IFT80: variants seen among roughly 807,000 people sequenced by gnomAD.
IFT80 encodes intraflagellar transport protein 80 homolog.
In IFT80, 79 loss-of-function variants were observed where a neutral mutation model predicts 107.9. The observed-to-expected ratio is 0.73, with a 90% confidence interval of 0.61 to 0.88. The LOEUF is 0.88. Among genes scored for constraint, IFT80 ranks in the 40% least tolerant of loss-of-function variants. The pLI is 0.00. For missense variants in IFT80, 797 were observed against 914.2 expected, an observed-to-expected ratio of 0.87 and a Z score of 1.65; for synonymous variants, 299 against 300.9, an observed-to-expected ratio of 0.99 and a Z score of 0.07.
rs555165966 is a variant in IFT80, at chr3:160,286,258, A to G, written c.1316-390T>C. ...GGTTAACTGAAAATCAACTCACAAA[A>G]GGCAGATTAATAGGAGAAATGGCAT... On this transcript the variant is annotated intron_variant, in intron 12 of 19. Transcript: ENST00000326448. Among the ~76,000 whole-genome samples the G allele has an allele frequency of 1.1e-4, 17 of 152,338 alleles. 1 individual carries two copies. The South Asian group carries it at 3.5e-3, about 32-fold the overall frequency.
chr3:160,299,510 T>C (rs11714377), intron 12 of IFT80, among the ~76,000 whole-genome samples: 5 of 152,140 alleles, frequency 3.3e-5, no homozygotes, highest in African/African-American at 1.2e-4. Context: ...TAATATTTAA[T>C]ATTTTTCACT....
At chr3:160,320,378 T>C (rs1360940252) in intron 8 of IFT80, among the ~76,000 whole-genome samples, 2 of 151,756 alleles carry the variant, frequency 1.3e-5, no homozygotes, top group Admixed American at 1.3e-4. Flanking sequence ...CTAAAATAGC[T>C]CTGACCCACA....
At chr3:160,394,767 A>G (rs1448720202) in intron 1 of IFT80, among the ~76,000 whole-genome samples, 1 of 151,152 alleles carries the variant, frequency 6.6e-6, no homozygotes, top group Non-Finnish European at 1.5e-5. Flanking sequence ...AAAAAAAAAA[A>G]CTATTTTAAA....
At chr3:160,299,851 T>C (rs1201536145) in intron 12 of IFT80, among the ~76,000 whole-genome samples, 1 of 151,754 alleles carries the variant, frequency 6.6e-6, no homozygotes, top group Non-Finnish European at 1.5e-5. Context: ...CCAAATGACC[T>C]CCTTCTCTGT....
At chr3:160,390,003 G>A (rs895765541) in intron 1 of IFT80, among the ~76,000 whole-genome samples, 7 of 152,140 alleles carry the variant, frequency 4.6e-5, no homozygotes, top group African/African-American at 1.7e-4. Context: ...AAGGGACCAG[G>A]AGATTTTAGA....
chr3:160,311,946 A>AATTTTTTTGT (rs1717298588), intron 9 of IFT80, among the ~76,000 whole-genome samples: 1 of 152,088 alleles, frequency 6.6e-6, no homozygotes, highest in Non-Finnish European at 1.5e-5. Flanking sequence ...ACACCCGGCT[A>AATTTTTTTGT]ATTTTTTTGT....
chr3:160,333,321 T>G (rs1173415144), intron 8 of IFT80, among the ~76,000 whole-genome samples: 1 of 152,188 alleles, frequency 6.6e-6, no homozygotes, highest in Non-Finnish European at 1.5e-5. Context: ...ACTGTATACT[T>G]AGGCTACTAA....
intron 8 of IFT80, among the ~76,000 whole-genome samples, chr3:160,333,084 T>C (rs1719200808): frequency 6.6e-6 from 1 of 152,184 alleles, no homozygotes; most frequent in Non-Finnish European, 1.5e-5. Flanking sequence ...TACTGAATAC[T>C]ATAGGAAACT....
At chr3:160,392,106 G>C (rs1369153327) in intron 1 of IFT80, among the ~76,000 whole-genome samples, 1 of 152,150 alleles carries the variant, frequency 6.6e-6, no homozygotes, top group African/African-American at 2.4e-5. Flanking sequence ...GGAACTATGT[G>C]GGATTTCTTT....
chr3:160,362,636 A>T (rs947438844), intron 6 of IFT80, among the ~76,000 whole-genome samples: 7 of 152,218 alleles, frequency 4.6e-5, no homozygotes, highest in African/African-American at 1.7e-4. Flanking sequence ...GTACTGGCAA[A>T]CTGAATCCAG....
intron 8 of IFT80, among the ~76,000 whole-genome samples, chr3:160,341,016 CTT>C (rs11373101): frequency 6.7e-6 from 1 of 149,504 alleles, no homozygotes; most frequent in Admixed American, 6.7e-5. Flanking sequence ...TTTTTACTAC[CTT>C]TTTTTTTTGT....
At chr3:160,298,859 C>T (rs1032550886) in intron 12 of IFT80, among the ~76,000 whole-genome samples, 1 of 152,036 alleles carries the variant, frequency 6.6e-6, no homozygotes, top group Non-Finnish European at 1.5e-5. Flanking sequence ...ATTTGTGTAC[C>T]TAACCACGTC....
intron 8 of IFT80, among the ~76,000 whole-genome samples, chr3:160,321,726 C>T (rs1167873789): frequency 6.6e-6 from 1 of 151,848 alleles, no homozygotes; most frequent in African/African-American, 2.4e-5. Flanking sequence ...ATTTCCATTT[C>T]TGACTGCAGT....
chr3:160,328,856 G>A (rs1175046320), intron 8 of IFT80, among the ~76,000 whole-genome samples: 2 of 152,012 alleles, frequency 1.3e-5, no homozygotes, highest in East Asian at 3.9e-4. Flanking sequence ...GGAGTTGGTG[G>A]GACATTATCC....
intron 9 of IFT80, among the ~76,000 whole-genome samples, chr3:160,316,297 T>C (rs1276689175): frequency 2.0e-5 from 3 of 152,154 alleles, no homozygotes. Context: ...GAACTGAATC[T>C]TGCCAACCAT....
chr3:160,319,053 C>A (rs1718018011), intron 9 of IFT80, among the ~76,000 whole-genome samples: 1 of 152,018 alleles, frequency 6.6e-6, no homozygotes. Context: ...TATTGTGTAT[C>A]GCCACAACTG....
chr3:160,328,491 A>G (rs1468744000), intron 8 of IFT80, among the ~76,000 whole-genome samples: 4 of 151,720 alleles, frequency 2.6e-5, no homozygotes, highest in African/African-American at 9.7e-5. Flanking sequence ...AAAGGTCAAA[A>G]AATAACGGAT....
At chr3:160,351,406 G>A (rs1043810943) in intron 8 of IFT80, among the ~76,000 whole-genome samples, 5 of 149,148 alleles carry the variant, frequency 3.4e-5, no homozygotes, top group African/African-American at 1.2e-4. Flanking sequence ...GTTCCACTAA[G>A]CCTTCTTTAT....
chr3:160,329,360 G>C (rs1559942890), intron 8 of IFT80, among the ~76,000 whole-genome samples: 1 of 152,116 alleles, frequency 6.6e-6, no homozygotes, highest in Non-Finnish European at 1.5e-5. Flanking sequence ...CAGCTGCCCT[G>C]GGTGTAATTT....
Sources: gnomAD v4.1 joint callset for allele counts (sites outside exome capture counted in the v4.1 genomes callset) on GRCh38, gnomAD v4.1.1 for gene constraint, MANE v1.5 for transcripts, NCBI Gene and HGNC (gene_info 2026-07-23, HGNC 2026-07-21) for gene names.